Variants in FOXN2 observed in about 807,000 individuals in gnomAD.
FOXN2 encodes the protein forkhead box N2.
A neutral mutation model predicts 41.2 loss-of-function variants in FOXN2; 19 were observed. The observed-to-expected ratio is 0.46, with a 90% CI of 0.32 to 0.68. The LOEUF (loss-of-function observed/expected upper bound fraction) is 0.68. Ranked by LOEUF, FOXN2 falls within the 30% of genes least tolerant of loss-of-function variation. The pLI is 0.03. For missense variants in FOXN2, 587 were observed against 509.4 expected, an observed-to-expected ratio of 1.15 and a Z score of -1.47; for synonymous variants, 195 against 176.8, an observed-to-expected ratio of 1.10 and a Z score of -0.82.
chr2:48,315,040 C>G (rs1412320084), intron 1 of FOXN2, among the ~76,000 whole-genome samples: 1 of 152,002 alleles, frequency 6.6e-6, no homozygotes, highest in Non-Finnish European at 1.5e-5. Flanking sequence ...CGGGGGATGT[C>G]GAACTGAGGG....
intron 5 of FOXN2, among the ~76,000 whole-genome samples, chr2:48,371,873 T>C (rs1672917055): frequency 6.6e-6 from 1 of 152,208 alleles, no homozygotes; most frequent in Admixed American, 6.5e-5. Context: ...TACTGACTTT[T>C]GTGTATTAAT....
intron 5 of FOXN2, 28 bp downstream of exon 5, chr2:48,362,735 C>T (rs371410350): frequency 9.6e-6 from 15 of 1,564,566 alleles, no homozygotes; most frequent in African/African-American, 4.1e-5. Flanking sequence ...TACAGTCATG[C>T]ACCACACAAC....
intron 5 of FOXN2, among the ~76,000 whole-genome samples, chr2:48,372,936 A>AT (rs1439703458): frequency 6.6e-6 from 1 of 150,508 alleles, no homozygotes; most frequent in Non-Finnish European, 1.5e-5. Flanking sequence ...AAAAAAAAAA[A>AT]GGAGTAACGA....
At chr2:48,363,357 A>T (rs1672322745) in intron 5 of FOXN2, among the ~76,000 whole-genome samples, 1 of 151,724 alleles carries the variant, frequency 6.6e-6, no homozygotes, top group South Asian at 2.1e-4. Flanking sequence ...CTGTTATTAC[A>T]AAAGAGTAAA....
chr2:48,360,838 C>T (rs1558635501), intron 4 of FOXN2, among the ~76,000 whole-genome samples: 4 of 145,574 alleles, frequency 2.7e-5, no homozygotes, highest in Admixed American at 6.9e-5. Flanking sequence ...CATGGAGAAA[C>T]CCTGTCTCTA....
intron 4 of FOXN2, among the ~76,000 whole-genome samples, chr2:48,362,113 C>T (rs971213999): frequency 6.6e-6 from 1 of 152,108 alleles, no homozygotes; most frequent in Admixed American, 6.5e-5. Context: ...ATTATTTTGC[C>T]TAAGAACATC....
chr2:48,353,647 A>C (rs1401163294), intron 3 of FOXN2, among the ~76,000 whole-genome samples: 1 of 151,054 alleles, frequency 6.6e-6, no homozygotes, highest in Non-Finnish European at 1.5e-5. Context: ...TAACCTTTTA[A>C]AAGCTCAGCA....
At chr2:48,328,171 C>G (rs1669804138) in intron 1 of FOXN2, among the ~76,000 whole-genome samples, 1 of 152,128 alleles carries the variant, frequency 6.6e-6, no homozygotes, top group Admixed American at 6.6e-5. Context: ...ATTCAAATGC[C>G]AACCAGATTT....
rs1179405530 is a variant in FOXN2, at chr2:48,378,361, A to G, written c.*2918A>G. ...CTTCTTTTAACTTGGATTCCTTTGT[A>G]TATAGTAAAGTTTAGTATATATATA... On this transcript the variant is annotated 3_prime_UTR_variant, in exon 7 of 7. Transcript: ENST00000340553. The G allele has an allele frequency of 6.6e-6, 1 of 151,762 alleles. No individual in the cohort carries two copies. The highest frequency in any genetic ancestry group is 1.9e-4 in the East Asian group (1 of 5,192). The allele number at this position is 151,762 out of a possible 1,614,324, so 9.4% of individuals were successfully genotyped here.
rs1376263442 is a variant in FOXN2 at position 48,375,441 on chromosome 2, T to C, written c.1294T>C (p.Ter432GlnextTer21). The change falls in exon 7 of 7, where the codon TAG becomes CAG. Residue 432 changes from the stop codon to glutamine (Q), a stop_lost. Coordinates refer to ENST00000340553, the MANE Select transcript of FOXN2 (RefSeq NM_002158.4). ...KTQNQKQRKK[*>Q] ...ACAAAATCAAAAGCAACGGAAAAAA[T>C]AGAAATACTTAAAGTGTGGCAATAC... The C allele has an allele frequency of 1.9e-6, 3 of 1,600,634 alleles. No homozygotes were observed. The highest frequency in any genetic ancestry group is 1.7e-5 in the Admixed American group (1 of 58,494).
chr2:48,366,061 A>G (rs957224691), intron 5 of FOXN2, among the ~76,000 whole-genome samples: 5 of 152,146 alleles, frequency 3.3e-5, no homozygotes, highest in Admixed American at 1.3e-4. Flanking sequence ...CTGCTCTTAG[A>G]AAATATATAC....
At chr2:48,326,279 G>A (rs909694151) in intron 1 of FOXN2, among the ~76,000 whole-genome samples, 10 of 152,148 alleles carry the variant, frequency 6.6e-5, no homozygotes, top group African/African-American at 2.2e-4. Flanking sequence ...AGAAAGCATG[G>A]TCTATTCAGA....
At chr2:48,344,730 G>A (rs1310032711) in intron 2 of FOXN2, among the ~76,000 whole-genome samples, 2 of 151,758 alleles carry the variant, frequency 1.3e-5, no homozygotes, top group African/African-American at 4.8e-5. Flanking sequence ...AAATTAACTA[G>A]TTTTCTCTTT....
At chr2:48,347,249 GAC>G in intron 3 of FOXN2, among the ~76,000 whole-genome samples, 1 of 108,794 alleles carries the variant, frequency 9.2e-6, no homozygotes, top group African/African-American at 3.5e-5. Flanking sequence ...TTTTTTGTGA[GAC>G]AGTCTCGATC....
At chr2:48,332,884 C>T (rs960057176) in intron 2 of FOXN2, among the ~76,000 whole-genome samples, 1 of 152,072 alleles carries the variant, frequency 6.6e-6, no homozygotes, top group Non-Finnish European at 1.5e-5. Context: ...AAAAGCAGGG[C>T]TGGGATTTGA....
In FOXN2 at chr2:48,375,175, G is replaced by A. The variant is rs774842250; in HGVS notation, c.1028G>A (p.Gly343Asp). 6 of 1,614,138 alleles carry A rather than the reference G, an allele frequency of 3.7e-6. No individual in the cohort carries two copies. The South Asian group carries it at 6.6e-5, about 18-fold the overall frequency. ...IPKNSHVGSD[G>D]SEGFHSEEDT... is the part of the protein sequence containing the mutation. ...AAGAATAGTCACGTGGGAAGTGATG[G>A]CAGTGAAGGATTTCACAGTGAAGAA... Residue 343 changes from glycine to aspartate, a missense_variant, in exon 7 of 7, where the codon GGC becomes GAC. Coordinates refer to ENST00000340553, the MANE Select transcript of FOXN2 (RefSeq NM_002158.4).
intron 5 of FOXN2, among the ~76,000 whole-genome samples, chr2:48,369,839 T>A (rs1672771532): frequency 6.6e-6 from 1 of 151,502 alleles, no homozygotes; most frequent in African/African-American, 2.4e-5. Flanking sequence ...CTACAAAAAA[T>A]AAAAATAAAA....
chr2:48,341,411 G>A (rs1379822185), intron 2 of FOXN2, among the ~76,000 whole-genome samples: 2 of 152,124 alleles, frequency 1.3e-5, no homozygotes, highest in African/African-American at 2.4e-5. Flanking sequence ...GTGCACAGCT[G>A]ATGGGCCAAC....
intron 1 of FOXN2, among the ~76,000 whole-genome samples, chr2:48,319,696 C>T (rs1047299353): frequency 7.3e-5 from 11 of 150,390 alleles, no homozygotes; most frequent in Admixed American, 7.3e-4. Context: ...CTGCAAGCTC[C>T]ACCTCTTAGG....
Sources: allele counts gnomAD v4.1 joint callset (sites outside exome capture counted in the v4.1 genomes callset), GRCh38; gene constraint gnomAD v4.1.1; transcripts MANE v1.5; gene names NCBI Gene and HGNC (gene_info 2026-07-23, HGNC 2026-07-21).